Variants in FMO5 observed in about 807,000 individuals in gnomAD.
The protein encoded by FMO5 is flavin containing dimethylaniline monoxygenase 5, also known as flavin-containing monooxygenase 5.
FMO5 carries 51 observed loss-of-function variants against 43.6 expected under a neutral mutation model. The observed-to-expected ratio is 1.17, with a 90% CI of 0.93 to 1.48. The LOEUF is 1.48. Among genes scored for constraint, FMO5 ranks in the 40% most tolerant of loss-of-function variants. The pLI, the probability that FMO5 is intolerant of heterozygous loss-of-function variation, is 0.00. For missense variants in FMO5, 644 were observed against 643.0 expected, an observed-to-expected ratio of 1.00 and a Z score of -0.02; for synonymous variants, 187 against 216.5, an observed-to-expected ratio of 0.86 and a Z score of 1.20.
Position 147,201,309 on chromosome 1 carries a change from G to T in FMO5, c.1026C>A (p.Ser342=). Reference sequence around the variant, plus strand: ...ATATCTTGTTTTTGACCACTTTGACGGAATCTTCCAGAAATGGAAAGTCAA... The same window carrying T: ...ATATCTTGTTTTTGACCACTTTGACTGAATCTTCCAGAAATGGAAAGTCAA... The part of the protein sequence containing the change: ...YSFDFPFLED[S]VKVVKNKISL... Residue 342 remains serine (S), a synonymous_variant, in exon 7 of 9, where the codon TCC becomes TCA. Coordinates refer to ENST00000254090, the MANE Select transcript of FMO5 (RefSeq NM_001461.4). 1 of 1,614,094 alleles carries T rather than the reference G, an allele frequency of 6.2e-7. No individual in the cohort carries two copies. The highest frequency in any genetic ancestry group is 8.5e-7 in the Non-Finnish European group (1 of 1,179,998).
chr1:147,222,303 G>A (rs1212600368), intron 2 of FMO5, among the ~76,000 whole-genome samples: 1 of 152,196 alleles, frequency 6.6e-6, no homozygotes, highest in African/African-American at 2.4e-5. Context: ...AGGAGGCAGA[G>A]GTTGCAGTGA....
chr1:147,195,781 A>G (rs781849349), intron 7 of FMO5, among the ~76,000 whole-genome samples: 1 of 152,120 alleles, frequency 6.6e-6, no homozygotes, highest in Non-Finnish European at 1.5e-5. Flanking sequence ...GGAATTTCAG[A>G]ATGGCAATAT....
Position 147,186,676 on chromosome 1 carries a change from A to T in FMO5, c.*224T>A, listed in dbSNP as rs1655669686. The T allele has an allele frequency of 7.3e-7, 1 of 1,364,988 alleles. No individual in the cohort carries two copies. The highest frequency in any genetic ancestry group is 9.4e-7 in the Non-Finnish European group (1 of 1,062,048). The allele number at this position is 1,364,988 out of a possible 1,614,324, so 84.6% of individuals were successfully genotyped here. On this transcript the variant is annotated 3_prime_UTR_variant, in exon 9 of 9. Transcript: ENST00000254090. ...GAGTACCTGAGCTCCCAGTCTAGGG[A>T]TTACCACAAGGAAGAGTGACGGATC...
chr1:147,199,540 A>G (rs1377021500), intron 7 of FMO5, among the ~76,000 whole-genome samples: 3 of 152,042 alleles, frequency 2.0e-5, no homozygotes, highest in Admixed American at 2.0e-4. Flanking sequence ...GCAAATACTC[A>G]TTTTCTCTAT....
intron 6 of FMO5, among the ~76,000 whole-genome samples, chr1:147,205,949 C>T (rs1659947561): frequency 6.6e-6 from 1 of 151,976 alleles, no homozygotes; most frequent in African/African-American, 2.4e-5. Flanking sequence ...TTCTGCACAG[C>T]AAAAGAAACT....
chr1:147,184,470 G>T, downstream of FMO5: 2 of 1,479,612 alleles, frequency 1.4e-6, no homozygotes, highest in South Asian at 1.4e-5. The surrounding 1 kb of genome is among the most constrained non-coding windows in gnomAD (Gnocchi z 4.4). Flanking sequence ...GTCCATCCAG[G>T]ATACTACATT....
intron 5 of FMO5, chr1:147,210,718 A>G (rs1660939318): frequency 6.6e-6 from 1 of 152,196 alleles, no homozygotes; most frequent in African/African-American, 2.4e-5. Flanking sequence ...GTGATAATTA[A>G]GCAGTGTTTT....
intron 6 of FMO5, among the ~76,000 whole-genome samples, chr1:147,205,569 T>C (rs1226967874): frequency 6.6e-6 from 1 of 152,202 alleles, no homozygotes; most frequent in Non-Finnish European, 1.5e-5. Context: ...TTATTTCTTA[T>C]ATAGACCAAT....
At chr1:147,225,782 T>C (rs905219284), upstream of FMO5, 5 of 152,172 alleles carry the variant, frequency 3.3e-5, no homozygotes, top group African/African-American at 9.7e-5. Context: ...CAGACAAAAC[T>C]CCTCAGACAC....
At chr1:147,193,819 G>A (rs1373965315) in intron 7 of FMO5, among the ~76,000 whole-genome samples, 1 of 152,118 alleles carries the variant, frequency 6.6e-6, no homozygotes, top group African/African-American at 2.4e-5. Context: ...GAGTGGTTTT[G>A]AGTGAGTTTT....
chr1:147,187,792 A>G (rs1201850324), intron 8 of FMO5, among the ~76,000 whole-genome samples: 1 of 150,766 alleles, frequency 6.6e-6, no homozygotes, highest in Admixed American at 6.6e-5. Flanking sequence ...TGAAATTATT[A>G]CACCAAGTGC....
At chr1:147,206,237 G>A (rs1239687123) in intron 6 of FMO5, among the ~76,000 whole-genome samples, 2 of 150,948 alleles carry the variant, frequency 1.3e-5, no homozygotes, top group Non-Finnish European at 2.9e-5. Context: ...ACACCAGTTA[G>A]AATGGCGATC....
intron 2 of FMO5, chr1:147,224,057 T>G: frequency 2.6e-6 from 1 of 392,042 alleles, no homozygotes; most frequent in Non-Finnish European, 5.0e-6. Flanking sequence ...GCTGGTTGTC[T>G]TCCTGCCTGC....
chr1:147,195,125 C>T (rs1657724240), intron 7 of FMO5, among the ~76,000 whole-genome samples: 1 of 152,212 alleles, frequency 6.6e-6, no homozygotes, highest in African/African-American at 2.4e-5. Context: ...TTCCATTCTC[C>T]CCGTCACTTT....
intron 5 of FMO5, 148 bp from the exon 6 acceptor site, chr1:147,209,199 C>G: frequency 1.8e-6 from 1 of 562,954 alleles, no homozygotes; most frequent in South Asian, 2.0e-5. Context: ...GCGGGCGGAT[C>G]ACGAGGTCAG....
intron 7 of FMO5, among the ~76,000 whole-genome samples, chr1:147,192,262 T>C (rs1374536689): frequency 1.3e-5 from 2 of 152,116 alleles, no homozygotes; most frequent in African/African-American, 4.8e-5. Context: ...TATTTTATTC[T>C]CTTTGAAGCA....
chr1:147,187,554 G>A (rs1374594463), intron 8 of FMO5, among the ~76,000 whole-genome samples: 3 of 152,178 alleles, frequency 2.0e-5, no homozygotes, highest in Non-Finnish European at 1.5e-5. Flanking sequence ...CAGATAAGAT[G>A]AGGGGCAGGT....
intron 2 of FMO5, among the ~76,000 whole-genome samples, chr1:147,218,828 T>C (rs191107177): frequency 6.6e-6 from 1 of 152,314 alleles, no homozygotes; most frequent in South Asian, 2.1e-4. Context: ...ATCTGGAAAA[T>C]TTCCTGTCCT....
chr1:147,208,322 A>ATCTTT (rs2101909301), intron 6 of FMO5: 1 of 152,510 alleles, frequency 6.6e-6, no homozygotes, highest in African/African-American at 2.4e-5. Context: ...GAAAAGGGTT[A>ATCTTT]CTGCCAAAGA....
Sources: allele counts gnomAD v4.1 joint callset (sites outside exome capture counted in the v4.1 genomes callset), GRCh38; gene constraint gnomAD v4.1.1; non-coding constraint Gnocchi (gnomAD v3.1); transcripts MANE v1.5; gene names NCBI Gene and HGNC (gene_info 2026-07-23, HGNC 2026-07-21).